Variants in CEP95 observed in about 807,000 individuals in gnomAD.
CEP95 encodes centrosomal protein 95.
In CEP95, 98 loss-of-function variants were observed where a neutral mutation model predicts 111.2. That is an observed-to-expected ratio of 0.88 (90% CI 0.75 to 1.04). CEP95 has a LOEUF of 1.04. CEP95 is among the 50% of genes least tolerant of loss of function. The probability of loss-of-function intolerance (pLI) is 0.00; values close to 1 mark genes in which losing one functional copy is unlikely to be tolerated. For synonymous variants in CEP95, 323 were observed against 327.1 expected, an observed-to-expected ratio of 0.99 and a Z score of 0.14; for missense variants, 1,027 against 977.2, an observed-to-expected ratio of 1.05 and a Z score of -0.68.
chr17:64,531,322 C>A (rs1324933285), intron 13 of CEP95, among the ~76,000 whole-genome samples: 4 of 152,044 alleles, frequency 2.6e-5, no homozygotes, highest in East Asian at 1.9e-4. Flanking sequence ...TCTAGGCTGA[C>A]AAAATTAAAG....
rs1335960396 is a variant in CEP95, at chr17:64,508,716, A to G, written c.144A>G (p.Val48=). Residue 48 remains valine, a synonymous_variant, in exon 2 of 20, where the codon GTA becomes GTG. Transcript: ENST00000556440. The stretch of plus-strand genomic sequence containing the variant: ...ATCAGTCTATTTTGGGAGAAAAGGT[A>G]CCAGGTAAGAATACTAAAAGCAGGA... ...ALYQSILGEK[V]PDLIVIPRSQ... 4 of 1,395,152 alleles carry G rather than the reference A, an allele frequency of 2.9e-6. No individual in the cohort carries two copies. The African/African-American group carries it at 5.9e-5, about 21-fold the overall frequency. 86.4% of individuals were successfully genotyped at this position (1,395,152 alleles called of 1,614,324 possible). A position where few individuals can be genotyped will look rare whatever the true frequency, so the allele number is the denominator to read the frequency against.
intron 1 of CEP95, chr17:64,507,978 T>C: frequency 2.0e-6 from 2 of 985,436 alleles, no homozygotes; most frequent in Non-Finnish European, 2.4e-6. Context: ...GTATTGATAA[T>C]TCTGAGCTTC....
chr17:64,529,147 A>C, intron 11 of CEP95, 141 bp from the exon 12 acceptor site: 1 of 663,412 alleles, frequency 1.5e-6, no homozygotes, highest in Middle Eastern at 2.5e-4. Flanking sequence ...TTACCATACC[A>C]ATTCAAGTTA....
chr17:64,518,947 C>T (rs1967095198), intron 5 of CEP95, among the ~76,000 whole-genome samples: 1 of 152,160 alleles, frequency 6.6e-6, no homozygotes, highest in African/African-American at 2.4e-5. Flanking sequence ...TCCCAAAGTG[C>T]TAGGATTACA....
chr17:64,516,259 T>C (rs2039138285), intron 4 of CEP95, among the ~76,000 whole-genome samples: 2 of 152,216 alleles, frequency 1.3e-5, no homozygotes, highest in African/African-American at 4.8e-5. Context: ...CTGGTGAAAG[T>C]ATGTATTCTT....
Position 64,537,905 on chromosome 17 carries a change from A to G in CEP95, c.*126A>G, listed in dbSNP as rs531400934. Reference sequence around the variant, plus strand: ...AATGCTTTACCTGTATTTTCATTCCAGTACTTTTTATGATTTTTTAAATAA... The same window carrying G: ...AATGCTTTACCTGTATTTTCATTCCGGTACTTTTTATGATTTTTTAAATAA... On this transcript the variant is annotated 3_prime_UTR_variant, in exon 20 of 20. Transcript: ENST00000556440. 61 of 479,086 alleles carry G rather than the reference A, an allele frequency of 1.3e-4. No homozygotes were observed. The highest frequency in any genetic ancestry group is 1.1e-3 in the Admixed American group (26 of 23,160). The allele number at this position is 479,086 out of a possible 1,614,324, so 29.7% of individuals were successfully genotyped here. A position where few individuals can be genotyped will look rare whatever the true frequency, so the allele number is the denominator to read the frequency against.
chr17:64,506,791 G>C, upstream of CEP95: 1 of 543,656 alleles, frequency 1.8e-6, no homozygotes, highest in South Asian at 2.1e-5. Flanking sequence ...ACCCGCCCGG[G>C]CTGCCGGCTG....
At chr17:64,527,891 T>TACAC (rs374252937) in intron 11 of CEP95, among the ~76,000 whole-genome samples, 278 of 141,562 alleles carry the variant, frequency 2.0e-3, no homozygotes, top group Non-Finnish European at 2.8e-3. Context: ...TATATATATA[T>TACAC]ACACACACAC....
At chr17:64,527,067 C>T (rs782813794) in intron 10 of CEP95, 44 bp from the exon 11 acceptor site, 2 of 1,553,510 alleles carry the variant, frequency 1.3e-6, no homozygotes, top group Admixed American at 1.7e-5. Context: ...AATTTACATT[C>T]TGCTGAAATC....
chr17:64,527,002 CTTG>C (rs1165599818), intron 10 of CEP95, 106 bp from the exon 11 acceptor site: 3 of 776,148 alleles, frequency 3.9e-6, no homozygotes, highest in Non-Finnish European at 6.3e-6. Flanking sequence ...CGTCTGAAAA[CTTG>C]TTATTAGTGA....
At chr17:64,506,781 A>G, upstream of CEP95, 1 of 528,656 alleles carries the variant, frequency 1.9e-6, no homozygotes, top group Non-Finnish European at 3.4e-6. Context: ...GCACCCCGGG[A>G]CCCGCCCGGG....
chr17:64,521,913 G>A (rs1555677995), intron 7 of CEP95, among the ~76,000 whole-genome samples: 1 of 152,096 alleles, frequency 6.6e-6, no homozygotes, highest in African/African-American at 2.4e-5. Context: ...CTGGAGTGCA[G>A]TGGCATGATC....
intron 2 of CEP95, 102 bp from the exon 3 acceptor site, chr17:64,510,071 C>T (rs895756125): frequency 1.5e-6 from 1 of 677,186 alleles, no homozygotes; most frequent in East Asian, 2.7e-5. Context: ...TTGGGCAGAG[C>T]CTTTATAGCA....
Position 64,516,750 on chromosome 17 carries a change from C to G in CEP95, c.395C>G (p.Ser132Cys), listed in dbSNP as rs1555676383. ...KSETEQYFKESDRGERLEEPE... is the reference protein window; with the variant it reads ...KSETEQYFKECDRGERLEEPE... The stretch of plus-strand genomic sequence containing the variant: ...GAAACTGAACAGTATTTTAAAGAAT[C>G]TGATCGAGGAGAACGTTTGGAAGAG... The change falls in exon 5 of 20, where the codon TCT becomes TGT. Residue 132 changes from serine to cysteine, a missense_variant. Ser to Cys is a moderately radical substitution (Grantham distance 112). Coordinates refer to ENST00000556440, the MANE Select transcript of CEP95 (RefSeq NM_138363.3). 1 of 1,610,978 alleles carries G rather than the reference C, an allele frequency of 6.2e-7. No individual in the cohort carries two copies. The highest frequency in any genetic ancestry group is 1.1e-5 in the South Asian group (1 of 90,942).
chr17:64,507,492 G>T, intron 1 of CEP95: 1 of 1,204,116 alleles, frequency 8.3e-7, no homozygotes, highest in Non-Finnish European at 1.0e-6. Flanking sequence ...TTTTGTATTG[G>T]TCTTTAAAGG....
rs782776041 is a variant in CEP95 at position 64,516,784 on chromosome 17, T to C, written c.429T>C (p.Ser143=). The C allele has an allele frequency of 6.2e-7, 1 of 1,612,012 alleles. No homozygotes were observed. Among genetic ancestry groups the C allele is most frequent in the Non-Finnish European group, 8.5e-7 (1 of 1,178,190 alleles). ...DRGERLEEPE[S]TKESKSSWKR... is the part of the protein sequence containing the mutation. ...GAGAACGTTTGGAAGAGCCAGAAAGTACTAAAGAATCTAAATCATCATGGA... is the reference window on the plus strand; with the variant it reads ...GAGAACGTTTGGAAGAGCCAGAAAGCACTAAAGAATCTAAATCATCATGGA... Residue 143 remains serine, a synonymous_variant, in exon 5 of 20, where the codon AGT becomes AGC. Coordinates refer to ENST00000556440, the MANE Select transcript of CEP95 (RefSeq NM_138363.3).
In CEP95 at chr17:64,537,729, T is replaced by C. The variant is rs544396061; in HGVS notation, c.2416T>C (p.Ser806Pro). 37 of 1,611,678 alleles carry C rather than the reference T, an allele frequency of 2.3e-5. No individual in the cohort carries two copies. The African/African-American group carries it at 3.7e-4, about 16-fold the overall frequency. ...GGAACTGGAAGCTGAGCGCTTCAGATCTCGGCTTCAGCTGGCTTCCTTTCA... is the reference window on the plus strand; with the variant it reads ...GGAACTGGAAGCTGAGCGCTTCAGACCTCGGCTTCAGCTGGCTTCCTTTCA... ...FRELEAERFR[S>P]RLQLASFQYS... is the part of the protein sequence containing the mutation. The change falls in exon 20 of 20, where the codon TCT becomes CCT. Residue 806 changes from serine to proline, a missense_variant. Transcript: ENST00000556440.
chr17:64,537,733 G>T lies in CEP95; in HGVS notation c.2420G>T (p.Arg807Leu). ...RELEAERFRS[R>L]LQLASFQYSK... ...CTGGAAGCTGAGCGCTTCAGATCTC[G>T]GCTTCAGCTGGCTTCCTTTCAGTAC... The change falls in exon 20 of 20, where the codon CGG becomes CTG. Residue 807 changes from arginine to leucine, a missense_variant. Arg to Leu is a moderately radical substitution (Grantham distance 102, BLOSUM62 -2). Coordinates refer to ENST00000556440, the MANE Select transcript of CEP95 (RefSeq NM_138363.3). 1 of 1,609,590 alleles carries T rather than the reference G, an allele frequency of 6.2e-7. No homozygotes were observed. The highest frequency in any genetic ancestry group is 1.1e-5 in the South Asian group (1 of 90,092).
rs148863855 is a variant in CEP95, at chr17:64,519,739, T to A, written c.589+303T>A. Among the ~76,000 whole-genome samples the A allele has an allele frequency of 7.7e-4, 118 of 152,372 alleles. 2 individuals carry two copies. The highest frequency in any genetic ancestry group is 7.5e-3 in the East Asian group (39 of 5,192). ...CTGGTCACGCTTTCAGGGTATTCTT[T>A]AATTGTAGTTTCCTGAACTGGTGGT... On this transcript the variant is annotated intron_variant, in intron 6 of 19. Coordinates refer to ENST00000556440, the MANE Select transcript of CEP95 (RefSeq NM_138363.3).
Sources: gnomAD v4.1 joint callset for allele counts (sites outside exome capture counted in the v4.1 genomes callset) on GRCh38, gnomAD v4.1.1 for gene constraint, MANE v1.5 for transcripts, NCBI Gene and HGNC (gene_info 2026-07-23, HGNC 2026-07-21) for gene names.